Variants in ZNF385D observed in about 807,000 individuals in gnomAD.
The protein encoded by ZNF385D is zinc finger protein 659.
A neutral mutation model predicts 35.8 loss-of-function variants in ZNF385D; 15 were observed. The ratio of observed to expected loss-of-function variants is 0.42; its 90% CI spans 0.28 to 0.64. ZNF385D has a LOEUF of 0.64. ZNF385D is among the 30% of genes least tolerant of loss of function. The pLI is 0.23. For synonymous variants in ZNF385D, 212 were observed against 186.8 expected (o/e 1.13, Z -1.10); for missense variants, 474 against 494.6 (o/e 0.96, Z 0.39).
At chr3:22,099,621 A>G (rs1253017028) in intron 3 of ZNF385D, among the ~76,000 whole-genome samples, 1 of 152,050 alleles carries the variant, frequency 6.6e-6, no homozygotes, top group African/African-American at 2.4e-5. Flanking sequence ...AATGGAAATA[A>G]TCCCTTGTGT....
chr3:22,194,910 C>T (rs2728969), intron 2 of ZNF385D, among the ~76,000 whole-genome samples: 5 of 151,552 alleles, frequency 3.3e-5, no homozygotes, highest in South Asian at 2.1e-4. Context: ...AGGACACTAG[C>T]GTTTTTCCAA....
intron 1 of ZNF385D, among the ~76,000 whole-genome samples, chr3:21,697,868 C>A (rs1307068389): frequency 6.6e-6 from 1 of 152,132 alleles, no homozygotes; most frequent in Non-Finnish European, 1.5e-5. Context: ...CATTAATCAT[C>A]ACGGAAATGC....
intron 2 of ZNF385D, among the ~76,000 whole-genome samples, chr3:22,280,165 T>C (rs1434226594): frequency 2.0e-5 from 3 of 152,154 alleles, no homozygotes; most frequent in Non-Finnish European, 4.4e-5. Flanking sequence ...TTGTAGATTC[T>C]GGATATTAGT....
At chr3:21,499,878 G>A (rs1233688082) in intron 4 of ZNF385D, among the ~76,000 whole-genome samples, 1 of 152,122 alleles carries the variant, frequency 6.6e-6, no homozygotes, top group Non-Finnish European at 1.5e-5. Flanking sequence ...TTATACACTG[G>A]AAGAGTGGCA....
intron 3 of ZNF385D, among the ~76,000 whole-genome samples, chr3:21,806,484 C>T (rs1327103275): frequency 6.6e-6 from 1 of 151,990 alleles, no homozygotes; most frequent in African/African-American, 2.4e-5. Flanking sequence ...GGATTACAGG[C>T]GTGAGCCACC....
At chr3:21,889,428 G>C (rs924716978) in intron 3 of ZNF385D, among the ~76,000 whole-genome samples, 34 of 152,190 alleles carry the variant, frequency 2.2e-4, no homozygotes, top group African/African-American at 8.0e-4. Context: ...AAGAAAAGTA[G>C]GAGATGATCC....
chr3:21,961,774 T>C (rs937995662), intron 3 of ZNF385D, among the ~76,000 whole-genome samples: 2 of 152,088 alleles, frequency 1.3e-5, no homozygotes, highest in Non-Finnish European at 2.9e-5. Context: ...TTCTGAAGAA[T>C]ACACACAAAT....
Position 22,208,868 on chromosome 3 carries a change from G to A in ZNF385D, c.107-39833C>T, listed in dbSNP as rs147758520. Among the ~76,000 whole-genome samples, 134 of 151,970 alleles carry A rather than the reference G, an allele frequency of 8.8e-4. 2 individuals are homozygous for A. The highest frequency in any genetic ancestry group is 3.1e-3 in the African/African-American group (129 of 41,542). ...ATAGAATTGAGTCATAGTCCTTGATGCTGAAAAGGCTCCTAGAAAATCATG... is the reference window on the plus strand; with the variant it reads ...ATAGAATTGAGTCATAGTCCTTGATACTGAAAAGGCTCCTAGAAAATCATG... On this transcript the variant is annotated intron_variant, in intron 2 of 5. Transcript: ENST00000494108.
At chr3:22,007,196 C>T (rs966225267) in intron 3 of ZNF385D, among the ~76,000 whole-genome samples, 1 of 152,102 alleles carries the variant, frequency 6.6e-6, no homozygotes, top group African/African-American at 2.4e-5. Flanking sequence ...AACCATTGTC[C>T]TTAGTGTTTG....
intron 3 of ZNF385D, among the ~76,000 whole-genome samples, chr3:22,118,713 C>A (rs962627759): frequency 1.3e-5 from 2 of 151,948 alleles, no homozygotes; most frequent in African/African-American, 4.8e-5. Context: ...GTCTCTGAAG[C>A]CTGATATCCT....
intron 3 of ZNF385D, among the ~76,000 whole-genome samples, chr3:21,558,986 C>A (rs1457648346): frequency 1.0e-5 from 1 of 95,908 alleles, no homozygotes; most frequent in African/African-American, 5.1e-5. Flanking sequence ...ATTGCAACCC[C>A]TGCTTTTTTT....
chr3:21,735,893 C>A (rs780611809), intron 1 of ZNF385D, among the ~76,000 whole-genome samples: 4 of 152,204 alleles, frequency 2.6e-5, no homozygotes, highest in Non-Finnish European at 5.9e-5. Context: ...AAGACTCTAA[C>A]AGCAAGGGCT....
chr3:21,990,426 A>G (rs1695085830), intron 3 of ZNF385D, among the ~76,000 whole-genome samples: 1 of 152,244 alleles, frequency 6.6e-6, no homozygotes, highest in Non-Finnish European at 1.5e-5. Flanking sequence ...GCAAGAGCTC[A>G]TAATATTGCC....
At chr3:22,269,016 A>T (rs149836246) in intron 2 of ZNF385D, among the ~76,000 whole-genome samples, 1 of 151,924 alleles carries the variant, frequency 6.6e-6, no homozygotes, top group African/African-American at 2.4e-5. Flanking sequence ...TTCATACACA[A>T]TGGTCTATCA....
At chr3:22,132,708 G>T (rs1703873102) in intron 3 of ZNF385D, among the ~76,000 whole-genome samples, 1 of 151,800 alleles carries the variant, frequency 6.6e-6, no homozygotes, top group African/African-American at 2.4e-5. Flanking sequence ...ATTGTTTAAA[G>T]ATCTAGTGCA....
chr3:22,086,265 C>T (rs1329661149), intron 3 of ZNF385D, among the ~76,000 whole-genome samples: 1 of 152,164 alleles, frequency 6.6e-6, no homozygotes, highest in Non-Finnish European at 1.5e-5. Context: ...GTCAAATTGT[C>T]TCTGTTTGCA....
chr3:22,034,648 T>C (rs571083282), intron 3 of ZNF385D, among the ~76,000 whole-genome samples: 1 of 152,324 alleles, frequency 6.6e-6, no homozygotes, highest in South Asian at 2.1e-4. Context: ...GATAACCTCA[T>C]AATTGGTATA....
In ZNF385D at chr3:21,694,042, C is replaced by CTTTTTTTTTTTTT. The variant is rs35586361; in HGVS notation, c.23-29027_23-29015dup. Among the ~76,000 whole-genome samples, 44 of 22,170 alleles carry CTTTTTTTTTTTTT rather than the reference C, an allele frequency of 2.0e-3. 10 individuals are homozygous for CTTTTTTTTTTTTT. Among genetic ancestry groups the CTTTTTTTTTTTTT allele is most frequent in the East Asian group, 5.7e-3 (7 of 1,228 alleles). The allele number at this position is 22,170 out of a possible 152,430, so 14.5% of individuals were successfully genotyped here. A position where few individuals can be genotyped will look rare whatever the true frequency, so the allele number is the denominator to read the frequency against. On this transcript the variant is annotated intron_variant, in intron 1 of 7. Transcript: ENST00000281523. ...TACAGGCGCGTGCCACTACGCCTGG[C>CTTTTTTTTTTTTT]TTTTTTTTTTTTTTTTTTTGAGACA...
At chr3:21,708,937 A>G (rs2068003201) in intron 1 of ZNF385D, among the ~76,000 whole-genome samples, 1 of 152,156 alleles carries the variant, frequency 6.6e-6, no homozygotes, top group Admixed American at 6.5e-5. Context: ...AAACTTAACT[A>G]TCATAAGGCA....
Sources: allele counts gnomAD v4.1 joint callset (sites outside exome capture counted in the v4.1 genomes callset), GRCh38; gene constraint gnomAD v4.1.1; transcripts MANE v1.5; gene names NCBI Gene and HGNC (gene_info 2026-07-23, HGNC 2026-07-21).